Variants in PRKACB observed in about 807,000 individuals in gnomAD.
The protein encoded by PRKACB is protein kinase cAMP-activated catalytic subunit beta.
Under a neutral mutation model 51.4 loss-of-function variants are expected in PRKACB, and 16 were observed. That is an observed-to-expected ratio of 0.31 (90% CI 0.21 to 0.47). The LOEUF (loss-of-function observed/expected upper bound fraction) is 0.47. Ranked by LOEUF, PRKACB falls within the 20% of genes least tolerant of loss-of-function variation. PRKACB has a pLI of 1.00. For missense variants in PRKACB, 309 were observed against 464.5 expected, an observed-to-expected ratio of 0.67 and a Z score of 3.08; for synonymous variants, 147 against 154.4, an observed-to-expected ratio of 0.95 and a Z score of 0.35.
At chr1:84,212,247 C>G (rs373850922) in intron 8 of PRKACB, among the ~76,000 whole-genome samples, 1 of 152,068 alleles carries the variant, frequency 6.6e-6, no homozygotes, top group African/African-American at 2.4e-5. Context: ...GCCCAATGCC[C>G]CCATCATCTG....
At chr1:84,204,869 C>T in intron 8 of PRKACB, 1 of 982,664 alleles carries the variant, frequency 1.0e-6, no homozygotes, top group Non-Finnish European at 1.2e-6. Context: ...ATGCATTGGC[C>T]TCGATTTGCC....
At chr1:84,203,672 A>G (rs1224985747) in intron 8 of PRKACB, among the ~76,000 whole-genome samples, 1 of 151,882 alleles carries the variant, frequency 6.6e-6, no homozygotes, top group African/African-American at 2.4e-5. Context: ...CCTTCTTTCT[A>G]TTTCTACATG....
At chr1:84,178,175 T>A (rs1661993437) in intron 1 of PRKACB, among the ~76,000 whole-genome samples, 1 of 151,998 alleles carries the variant, frequency 6.6e-6, no homozygotes, top group Non-Finnish European at 1.5e-5. Flanking sequence ...AAAGTATGTT[T>A]TAAAATAGGT....
chr1:84,195,055 C>T (rs935801688), intron 5 of PRKACB, among the ~76,000 whole-genome samples: 13 of 152,068 alleles, frequency 8.5e-5, no homozygotes, highest in African/African-American at 2.9e-4. Context: ...TGCATGTAAA[C>T]GTGCATTTTA....
intron 8 of PRKACB, among the ~76,000 whole-genome samples, 186 bp from the exon 9 acceptor site, chr1:84,213,967 A>C (rs1019899374): frequency 6.6e-6 from 1 of 152,214 alleles, no homozygotes; most frequent in Non-Finnish European, 1.5e-5. Context: ...TCATTCACCC[A>C]AGTAATTCTC....
At chr1:84,105,233 T>C (rs1649639587) in intron 1 of PRKACB, among the ~76,000 whole-genome samples, 1 of 152,180 alleles carries the variant, frequency 6.6e-6, no homozygotes, top group African/African-American at 2.4e-5. Context: ...TTCTTGACCA[T>C]TCTCTAGAAC....
intron 8 of PRKACB, among the ~76,000 whole-genome samples, chr1:84,206,305 G>A (rs1346018711): frequency 6.6e-6 from 1 of 152,086 alleles, no homozygotes; most frequent in African/African-American, 2.4e-5. Flanking sequence ...TTCCTGAAGG[G>A]AAATTCAATA....
At chr1:84,126,220 C>T (rs1651591912) in intron 1 of PRKACB, among the ~76,000 whole-genome samples, 2 of 152,144 alleles carry the variant, frequency 1.3e-5, no homozygotes, top group Non-Finnish European at 2.9e-5. Flanking sequence ...CAGCCTTTTG[C>T]ACCCGCCCTC....
chr1:84,144,657 C>T, intron 1 of PRKACB, 109 bp downstream of exon 1: 1 of 1,200,428 alleles, frequency 8.3e-7, no homozygotes, highest in Non-Finnish European at 1.1e-6. Flanking sequence ...TTCTGATTTT[C>T]ACAAGGACAT....
chr1:84,170,973 A>G (rs1175794622), intron 1 of PRKACB, among the ~76,000 whole-genome samples: 2 of 151,588 alleles, frequency 1.3e-5, no homozygotes, highest in African/African-American at 2.4e-5. Flanking sequence ...ACAAATTTCA[A>G]ATGATTGATA....
chr1:84,229,682 G>C (rs1476543248), intron 9 of PRKACB, among the ~76,000 whole-genome samples: 2 of 150,936 alleles, frequency 1.3e-5, no homozygotes, highest in Admixed American at 1.3e-4. Context: ...CTGATGGCCA[G>C]TGATGGTGAG....
intron 1 of PRKACB, among the ~76,000 whole-genome samples, chr1:84,151,101 A>C (rs1351940648): frequency 2.0e-5 from 3 of 152,050 alleles, no homozygotes; most frequent in Non-Finnish European, 4.4e-5. Context: ...TCTCTTAGCA[A>C]TTTTCATGTA....
In PRKACB at chr1:84,238,114, G is replaced by A. The variant is rs554089542; in HGVS notation, c.*2809G>A. 5.3e-5 allele frequency: 8 copies of A among 152,194 alleles called. No homozygotes were observed. Among genetic ancestry groups the A allele is most frequent in the African/African-American group, 1.9e-4 (8 of 41,508 alleles). 9.4% of individuals were successfully genotyped at this position (152,194 alleles called of 1,614,324 possible). A position where few individuals can be genotyped will look rare whatever the true frequency, so the allele number is the denominator to read the frequency against. On this transcript the variant is annotated 3_prime_UTR_variant, in exon 10 of 10. Transcript: ENST00000370685. ...TGTCCTAATTCCTTTCTCACTCACCGATGCTGAATACCCAGTTGAATCAAA... is the reference window on the plus strand; with the variant it reads ...TGTCCTAATTCCTTTCTCACTCACCAATGCTGAATACCCAGTTGAATCAAA...
intron 1 of PRKACB, among the ~76,000 whole-genome samples, chr1:84,112,079 C>T (rs1232697884): frequency 3.9e-5 from 6 of 151,936 alleles, no homozygotes; most frequent in African/African-American, 1.5e-4. Flanking sequence ...TCTTGTGAGC[C>T]TAACTCAAAG....
intron 7 of PRKACB, among the ~76,000 whole-genome samples, chr1:84,199,277 A>G (rs1194847660): frequency 6.6e-6 from 1 of 151,768 alleles, no homozygotes; most frequent in Non-Finnish European, 1.5e-5. Flanking sequence ...ACCCATAGTT[A>G]TCTTTTCTTA....
At chr1:84,185,626 A>G (rs998106257) in intron 5 of PRKACB, among the ~76,000 whole-genome samples, 8 of 151,998 alleles carry the variant, frequency 5.3e-5, no homozygotes, top group Admixed American at 1.3e-4. Context: ...CACAAATTTA[A>G]TTCTCCTTAA....
chr1:84,143,067 C>T (rs1653580467), upstream of PRKACB, among the ~76,000 whole-genome samples: 1 of 151,664 alleles, frequency 6.6e-6, no homozygotes, highest in Non-Finnish European at 1.5e-5. Context: ...GTCAAAAAAA[C>T]AAGTACTCAA....
chr1:84,167,554 T>G (rs1308011967), intron 1 of PRKACB, among the ~76,000 whole-genome samples: 1 of 151,652 alleles, frequency 6.6e-6, no homozygotes, highest in Admixed American at 6.6e-5. Flanking sequence ...TGTATTATAT[T>G]GAAATTATAA....
intron 1 of PRKACB, among the ~76,000 whole-genome samples, chr1:84,162,685 T>C (rs2100706610): frequency 6.6e-6 from 1 of 152,204 alleles, no homozygotes; most frequent in Admixed American, 6.6e-5. Flanking sequence ...TTCATTACTG[T>C]CGTGTTTTCC....
Sources: gnomAD v4.1 joint callset for allele counts (sites outside exome capture counted in the v4.1 genomes callset) on GRCh38, gnomAD v4.1.1 for gene constraint, MANE v1.5 for transcripts, NCBI Gene and HGNC (gene_info 2026-07-23, HGNC 2026-07-21) for gene names.